CERS3: variants seen among roughly 807,000 people sequenced by gnomAD.
CERS3 encodes LAG1 homolog, ceramide synthase 3.
Under a neutral mutation model 50.3 loss-of-function variants are expected in CERS3, and 33 were observed. That is an observed-to-expected ratio of 0.66 (90% CI 0.50 to 0.88). The LOEUF is 0.88. CERS3 is among the 40% of genes least tolerant of loss of function. The probability of loss-of-function intolerance (pLI) is 0.00; values close to 1 mark genes in which losing one functional copy is unlikely to be tolerated. For synonymous variants in CERS3, 176 were observed against 155.2 expected (o/e 1.13, Z -0.99); for missense variants, 470 against 460.3 (o/e 1.02, Z -0.19).
intron 2 of CERS3, among the ~76,000 whole-genome samples, chr15:100,512,317 G>A (rs2036367208): frequency 6.6e-6 from 1 of 152,208 alleles, no homozygotes; most frequent in South Asian, 2.1e-4. Flanking sequence ...AACATGGTGG[G>A]AGGAAAGGGT....
intron 1 of CERS3, chr15:100,544,443 G>T (rs1309775205): frequency 7.1e-6 from 1 of 141,824 alleles, no homozygotes; most frequent in Non-Finnish European, 1.6e-5. Flanking sequence ...GGGGTCACGG[G>T]CCCTCTCTCG....
At chr15:100,490,727 A>G in intron 4 of CERS3, 90 bp downstream of exon 4, 3 of 768,200 alleles carry the variant, frequency 3.9e-6, no homozygotes, top group Non-Finnish European at 6.7e-6. Context: ...CAACTAGAAT[A>G]GATTTCTTGC....
At chr15:100,443,465 C>T (rs1406189238) in intron 11 of CERS3, among the ~76,000 whole-genome samples, 2 of 149,034 alleles carry the variant, frequency 1.3e-5, no homozygotes, top group African/African-American at 5.0e-5. Flanking sequence ...GCCTATCCAC[C>T]CCATGGTGTC....
chr15:100,415,859 A>T (rs1385302270), intron 11 of CERS3, among the ~76,000 whole-genome samples: 1 of 152,120 alleles, frequency 6.6e-6, no homozygotes, highest in Non-Finnish European at 1.5e-5. Flanking sequence ...CTTAAAACTG[A>T]GATAATGGGT....
Position 100,542,352 on chromosome 15 carries a change from C to T in CERS3, c.-355+2299G>A, listed in dbSNP as rs571236061. On this transcript the variant is annotated intron_variant, in intron 1 of 12. Transcript: ENST00000284382. The stretch of plus-strand genomic sequence containing the variant: ...AGCAAAAGATCCTTATTTGGTCACG[C>T]ATGGCAACAGTAGAAGTAATGTATA... Among the ~76,000 whole-genome samples the T allele has an allele frequency of 4.5e-4, 69 of 152,320 alleles. 1 individual carries two copies. The highest frequency in any genetic ancestry group is 1.2e-3 in the South Asian group (6 of 4,828).
chr15:100,505,985 G>C (rs1264667735), intron 2 of CERS3, among the ~76,000 whole-genome samples: 2 of 152,206 alleles, frequency 1.3e-5, no homozygotes, highest in African/African-American at 4.8e-5. Context: ...CTGCACTCCA[G>C]CCTGAGTGAC....
chr15:100,415,232 C>T (rs1328702823), intron 11 of CERS3, among the ~76,000 whole-genome samples: 1 of 152,232 alleles, frequency 6.6e-6, no homozygotes. Flanking sequence ...GATACCATCT[C>T]ACACCAGTCA....
At chr15:100,514,551 A>G (rs1217975736) in intron 2 of CERS3, among the ~76,000 whole-genome samples, 1 of 152,220 alleles carries the variant, frequency 6.6e-6, no homozygotes, top group African/African-American at 2.4e-5. Flanking sequence ...TAACACTTCA[A>G]TGTTAGTAAT....
At chr15:100,499,530 T>A (rs1273820042) in intron 3 of CERS3, among the ~76,000 whole-genome samples, 1 of 152,196 alleles carries the variant, frequency 6.6e-6, no homozygotes, top group African/African-American at 2.4e-5. Flanking sequence ...AAACATTAAT[T>A]TCTGATCTTA....
chr15:100,513,349 A>G (rs11630167), intron 2 of CERS3, among the ~76,000 whole-genome samples: 49,178 of 151,908 alleles, frequency 0.32, 8,129 homozygotes, highest in East Asian at 0.38. Context: ...GTCTGGAGGC[A>G]GCTCCCTGTC....
At position 100,423,042 on chromosome 15, in the gene CERS3, T is replaced by G. The variant is rs1035746435; in HGVS notation, c.1000-20177A>C. Among the ~76,000 whole-genome samples, 4 of 149,530 alleles carry G rather than the reference T, an allele frequency of 2.7e-5. No homozygotes were observed. The South Asian group carries it at 6.3e-4, about 24-fold the overall frequency. ...CATGGCACATGTATACATATGTAAC[T>G]AACCTGCACATTGTGCACATGTACC... On this transcript the variant is annotated intron_variant, in intron 11 of 11. Transcript: ENST00000679737.
intron 11 of CERS3, among the ~76,000 whole-genome samples, chr15:100,422,896 G>C (rs1198601804): frequency 7.3e-6 from 1 of 137,642 alleles, no homozygotes; most frequent in Non-Finnish European, 1.6e-5. Context: ...GAGATCACAT[G>C]GACACAGGAA....
At chr15:100,543,976 A>AACAAAGC (rs372113692) in intron 1 of CERS3, 5 of 149,606 alleles carry the variant, frequency 3.3e-5, no homozygotes, top group African/African-American at 1.2e-4. Flanking sequence ...ACCTGGGAAA[A>AACAAAGC]ACAAAGCACA....
chr15:100,446,446 T>C (rs2033949698), intron 11 of CERS3, among the ~76,000 whole-genome samples: 1 of 150,532 alleles, frequency 6.6e-6, no homozygotes, highest in Non-Finnish European at 1.5e-5. Context: ...AGCTAAGAGA[T>C]GGTAGAAAAC....
intron 1 of CERS3, among the ~76,000 whole-genome samples, chr15:100,534,380 A>G (rs1443038866): frequency 6.6e-6 from 1 of 152,140 alleles, no homozygotes; most frequent in Non-Finnish European, 1.5e-5. Flanking sequence ...AAAACATTGA[A>G]TGAGTTAATA....
At chr15:100,537,671 G>T (rs1430456047) in intron 1 of CERS3, among the ~76,000 whole-genome samples, 1 of 152,116 alleles carries the variant, frequency 6.6e-6, no homozygotes, top group Non-Finnish European at 1.5e-5. Context: ...ACTTCCATCT[G>T]GTCTCTCCAT....
chr15:100,520,305 C>T (rs1257771908), intron 2 of CERS3, among the ~76,000 whole-genome samples: 2 of 152,158 alleles, frequency 1.3e-5, no homozygotes, highest in Middle Eastern at 3.2e-3. Context: ...GCTGGTGCCT[C>T]CATTTGTATT....
intron 11 of CERS3, among the ~76,000 whole-genome samples, chr15:100,413,975 C>T (rs1329508432): frequency 6.6e-6 from 1 of 151,962 alleles, no homozygotes; most frequent in African/African-American, 2.4e-5. Context: ...CAGAAAAATA[C>T]CTGGAACAGA....
At chr15:100,501,621 T>C (rs1264896309) in intron 3 of CERS3, 56 bp downstream of exon 3, 3 of 1,435,572 alleles carry the variant, frequency 2.1e-6, no homozygotes, top group African/African-American at 1.4e-5. Flanking sequence ...GACTGTATTA[T>C]TCTAGTGTTA....
Sources: allele counts gnomAD v4.1 joint callset (sites outside exome capture counted in the v4.1 genomes callset), GRCh38; gene constraint gnomAD v4.1.1; transcripts MANE v1.5; gene names NCBI Gene and HGNC (gene_info 2026-07-23, HGNC 2026-07-21).